Variants in CLASP2 observed in about 807,000 individuals in gnomAD.
CLASP2 encodes the protein CLIP-associating protein 2.
Under a neutral mutation model 194.4 loss-of-function variants are expected in CLASP2, and 47 were observed. That is an observed-to-expected ratio of 0.24 (90% CI 0.19 to 0.31). The LOEUF is 0.31. CLASP2 is among the 10% of genes least tolerant of loss of function. CLASP2 has a pLI of 1.00. For missense variants in CLASP2, 1,445 were observed against 1,823.6 expected, an observed-to-expected ratio of 0.79 and a Z score of 3.78; for synonymous variants, 619 against 633.5, an observed-to-expected ratio of 0.98 and a Z score of 0.34.
intron 38 of CLASP2, among the ~76,000 whole-genome samples, chr3:33,499,791 A>G (rs1012144185): frequency 6.6e-6 from 1 of 152,148 alleles, no homozygotes; most frequent in African/African-American, 2.4e-5. Flanking sequence ...CTTTATCTTT[A>G]TATTTTATAG....
intron 33 of CLASP2, among the ~76,000 whole-genome samples, chr3:33,538,557 A>G (rs954851546): frequency 3.5e-4 from 54 of 152,198 alleles, no homozygotes; most frequent in African/African-American, 1.3e-3. Context: ...CTAAAACTCT[A>G]TAATACTCAT....
chr3:33,592,358 A>G, intron 21 of CLASP2, 37 bp downstream of exon 21: 1 of 1,366,302 alleles, frequency 7.3e-7, no homozygotes. Context: ...ATCCTAACAT[A>G]GTGACAAATA....
rs528292583 is a variant in CLASP2 at position 33,560,930 on chromosome 3, T to A, written c.2808A>T (p.Gln936His). The change falls in exon 28 of 39, where the codon CAA (glutamine) becomes CAT (histidine). Residue 936 changes from glutamine to histidine, a missense_variant. Gln to His is a conservative substitution (Grantham distance 24). Around this residue, in one of 4 missense-constraint regions of CLASP2, gnomAD observed 732 missense variants for 987.9 expected, o/e 0.74. Coordinates refer to ENST00000682230, the MANE Select transcript of CLASP2 (RefSeq NM_001365631.1). Reference protein sequence around the residue: ...MFLETLVDFIQVHKDDLQDWL... With the variant: ...MFLETLVDFIHVHKDDLQDWL... ...AATCTTGAAGATCATCTTTGTGGAC[T>A]TGTATGAAATCCACTAGAGTCTCCA... 1 of 1,613,950 alleles carries A rather than the reference T, an allele frequency of 6.2e-7. No homozygotes were observed. The highest frequency in any genetic ancestry group is 1.1e-5 in the South Asian group (1 of 91,078).
chr3:33,613,021 A>C (rs887406872), intron 12 of CLASP2, among the ~76,000 whole-genome samples: 4 of 152,198 alleles, frequency 2.6e-5, no homozygotes, highest in Non-Finnish European at 4.4e-5. Flanking sequence ...AAAATAGCTA[A>C]AAGAGAATAA....
intron 2 of CLASP2, among the ~76,000 whole-genome samples, chr3:33,695,816 A>T (rs2091835975): frequency 6.6e-6 from 1 of 152,096 alleles, no homozygotes; most frequent in African/African-American, 2.4e-5. Context: ...AATCACTAAC[A>T]TCTGAGGCTA....
chr3:33,625,495 G>A (rs2077855003), intron 10 of CLASP2, among the ~76,000 whole-genome samples: 1 of 148,602 alleles, frequency 6.7e-6, no homozygotes, highest in Admixed American at 6.7e-5. Context: ...TGTACTGAAT[G>A]AGCACCATTT....
At chr3:33,649,383 C>G (rs1413445123) in intron 7 of CLASP2, among the ~76,000 whole-genome samples, 1 of 152,168 alleles carries the variant, frequency 6.6e-6, no homozygotes, top group Admixed American at 6.5e-5. Flanking sequence ...AAACTTTTGT[C>G]AACTTTGCCC....
At chr3:33,590,902 TG>T (rs1335790332) in intron 21 of CLASP2, among the ~76,000 whole-genome samples, 1 of 152,160 alleles carries the variant, frequency 6.6e-6, no homozygotes, top group Non-Finnish European at 1.5e-5. Flanking sequence ...CCAAGTAGGC[TG>T]GGTGCAGTGG....
chr3:33,645,343 C>A, intron 7 of CLASP2: 1 of 765,042 alleles, frequency 1.3e-6, no homozygotes, highest in South Asian at 1.3e-5. Context: ...ATTTCCCTCA[C>A]CCTAGGAGGC....
At chr3:33,705,357 G>A (rs917505273) in intron 1 of CLASP2, among the ~76,000 whole-genome samples, 4 of 152,178 alleles carry the variant, frequency 2.6e-5, no homozygotes, top group Non-Finnish European at 4.4e-5. Flanking sequence ...ATAAAGATAA[G>A]AAGTAGAATA....
intron 27 of CLASP2, among the ~76,000 whole-genome samples, chr3:33,565,808 T>A (rs1028178314): frequency 6.6e-6 from 1 of 150,820 alleles, no homozygotes. Flanking sequence ...CGAGACTCCG[T>A]CTCAAAAAAA....
chr3:33,652,836 G>C (rs1319928232), intron 7 of CLASP2, among the ~76,000 whole-genome samples: 1 of 152,016 alleles, frequency 6.6e-6, no homozygotes, highest in Non-Finnish European at 1.5e-5. Context: ...AGCTGCTCAG[G>C]CTCATAATGT....
chr3:33,682,264 TTA>T (rs2089974902), intron 6 of CLASP2, among the ~76,000 whole-genome samples: 1 of 152,132 alleles, frequency 6.6e-6, no homozygotes, highest in Admixed American at 6.5e-5. Flanking sequence ...AAAAAAAACT[TTA>T]TAGAGTGTGA....
intron 12 of CLASP2, among the ~76,000 whole-genome samples, chr3:33,613,332 C>CAA: frequency 6.6e-6 from 1 of 152,218 alleles, no homozygotes; most frequent in South Asian, 2.1e-4. Context: ...TGAATTGGTC[C>CAA]AAGATGGCCA....
At chr3:33,555,147 TC>T (rs2060700221) in intron 29 of CLASP2, among the ~76,000 whole-genome samples, 1 of 152,198 alleles carries the variant, frequency 6.6e-6, no homozygotes, top group Non-Finnish European at 1.5e-5. Flanking sequence ...ATTTAGCCAT[TC>T]CACAATGCAT....
intron 29 of CLASP2, 72 bp from the exon 30 acceptor site, chr3:33,551,467 T>C: frequency 6.9e-7 from 1 of 1,446,364 alleles, no homozygotes; most frequent in Non-Finnish European, 9.4e-7. Context: ...ATTTCAAAAA[T>C]AATCAGGTGA....
intron 34 of CLASP2, among the ~76,000 whole-genome samples, chr3:33,527,693 T>C (rs2054961218): frequency 6.6e-6 from 1 of 152,108 alleles, no homozygotes; most frequent in African/African-American, 2.4e-5. Context: ...CCCAGCACAT[T>C]ACAACAACCT....
chr3:33,644,520 G>T, intron 8 of CLASP2: 1 of 463,092 alleles, frequency 2.2e-6, no homozygotes, highest in East Asian at 4.4e-5. Flanking sequence ...AATGGCATCT[G>T]AAAAATAAAT....
chr3:33,588,613 C>T (rs961140118), intron 21 of CLASP2: 9 of 670,782 alleles, frequency 1.3e-5, no homozygotes, highest in Non-Finnish European at 1.9e-5. Flanking sequence ...TAGACTATGA[C>T]GTTAAGAATT....
Sources: allele counts gnomAD v4.1 joint callset (sites outside exome capture counted in the v4.1 genomes callset), GRCh38; gene constraint gnomAD v4.1.1; regional missense constraint gnomAD v4.1.1; transcripts MANE v1.5; gene names NCBI Gene and HGNC (gene_info 2026-07-23, HGNC 2026-07-21).